The following TPR variants were observed in gnomAD, a reference collection of about 807,000 sequenced individuals.
TPR encodes the protein translocated promoter region, nuclear basket protein.
TPR carries 51 observed loss-of-function variants against 316.1 expected under a neutral mutation model. That is an observed-to-expected ratio of 0.16 (90% CI 0.13 to 0.20). TPR has a LOEUF of 0.20. TPR is among the 10% of genes least tolerant of loss of function. The pLI is 1.00. For synonymous variants in TPR, 981 were observed against 914.7 expected (o/e 1.07, Z -1.31); for missense variants, 2,272 against 2,754.8 (o/e 0.82, Z 3.92).
At chr1:186,348,456 A>G (rs1658749394) in intron 21 of TPR, among the ~76,000 whole-genome samples, 1 of 152,184 alleles carries the variant, frequency 6.6e-6, no homozygotes, top group South Asian at 2.1e-4. Flanking sequence ...AGGGCTGAAC[A>G]CAGACCCTTA....
chr1:186,344,273 C>T, intron 25 of TPR, 102 bp downstream of exon 25: 1 of 1,434,698 alleles, frequency 7.0e-7, no homozygotes, highest in Non-Finnish European at 9.5e-7. Flanking sequence ...TGCACTCCAG[C>T]ATGGGTGACA....
At chr1:186,341,579 A>G (rs1318886441) in intron 27 of TPR, 190 bp from the exon 28 acceptor site, 2 of 523,184 alleles carry the variant, frequency 3.8e-6, no homozygotes, top group African/African-American at 3.9e-5. Flanking sequence ...AAACAAATAC[A>G]AGAATTACAA....
At position 186,312,787 on chromosome 1, in the gene TPR, T is replaced by G. The variant is rs1379404627; in HGVS notation, c.*1184A>C. On this transcript the variant is annotated 3_prime_UTR_variant, in exon 51 of 51. Coordinates refer to ENST00000367478, the MANE Select transcript of TPR (RefSeq NM_003292.3). The stretch of plus-strand genomic sequence containing the variant: ...CTTACAGGTGTCCTTCATAATGAAG[T>G]TAAAGTGAGTATACTGTGGAGAGGA... 1 of 1,613,056 alleles carries G rather than the reference T, an allele frequency of 6.2e-7. No individual in the cohort carries two copies. The highest frequency in any genetic ancestry group is 1.3e-5 in the African/African-American group (1 of 75,012).
At chr1:186,324,324 G>A (rs1441873248) in intron 42 of TPR, among the ~76,000 whole-genome samples, 4 of 152,066 alleles carry the variant, frequency 2.6e-5, no homozygotes, top group Admixed American at 6.6e-5. Flanking sequence ...TTACCTAAAG[G>A]TTAGACCATT....
chr1:186,354,019 A>G (rs939289502), intron 17 of TPR, 169 bp from the exon 18 acceptor site: 24 of 560,950 alleles, frequency 4.3e-5, no homozygotes, highest in African/African-American at 3.8e-4. Flanking sequence ...CTGCTTAGAA[A>G]TAACTCCAGG....
chr1:186,316,665 C>G (rs1477013199), intron 49 of TPR, among the ~76,000 whole-genome samples: 1 of 152,160 alleles, frequency 6.6e-6, no homozygotes, highest in African/African-American at 2.4e-5. Context: ...GTCTCTGGAG[C>G]CAGACTTCTT....
intron 1 of TPR, among the ~76,000 whole-genome samples, chr1:186,374,645 T>C (rs1465534941): frequency 6.6e-6 from 1 of 152,208 alleles, no homozygotes; most frequent in Non-Finnish European, 1.5e-5. Context: ...AGCGTCCCTG[T>C]ATGAGCCTAC....
At chr1:186,336,796 A>G (rs1431216050) in intron 32 of TPR, 102 bp from the exon 33 acceptor site, 3 of 1,370,728 alleles carry the variant, frequency 2.2e-6, no homozygotes, top group Non-Finnish European at 2.0e-6. Flanking sequence ...GCTTTTTAAA[A>G]GATTAAATGG....
Position 186,335,559 on chromosome 1 carries a change from G to A in TPR, c.4706-16C>T, listed in dbSNP as rs1233151817. On this transcript the variant is annotated splice_polypyrimidine_tract_variant and intron_variant, in intron 33 of 50. Transcript: ENST00000367478. ...TCTTTTACACCTAAAGAAGTAACCA[G>A]GCGATTATATTAATATTATAATCAA... The A allele has an allele frequency of 1.9e-6, 3 of 1,553,012 alleles. No individual in the cohort carries two copies. Among genetic ancestry groups the A allele is most frequent in the Non-Finnish European group, 2.6e-6 (3 of 1,153,666 alleles).
At chr1:186,348,723 A>G (rs1367655596) in intron 21 of TPR, among the ~76,000 whole-genome samples, 1 of 152,108 alleles carries the variant, frequency 6.6e-6, no homozygotes, top group African/African-American at 2.4e-5. Flanking sequence ...GCCAGCCGAC[A>G]CTCATAGAAA....
rs1307255280 is a variant in TPR at position 186,315,239 on chromosome 1, AC to A, written c.6941-516del. ...AAACAAACAAACAAACAAAAAAAAA[AC>A]ACCAAAAAAAAACCAGAAGTGCTTG... On this transcript the variant is annotated intron_variant, in intron 49 of 50. Transcript: ENST00000367478. Among the ~76,000 whole-genome samples the A allele has an allele frequency of 8.6e-5, 13 of 151,760 alleles. 1 individual carries two copies. The highest frequency in any genetic ancestry group is 3.1e-4 in the African/African-American group (13 of 41,372).
At chr1:186,339,169 C>T (rs904808192) in intron 30 of TPR, among the ~76,000 whole-genome samples, 1 of 152,026 alleles carries the variant, frequency 6.6e-6, no homozygotes, top group Admixed American at 6.5e-5. Context: ...ATGGCTCATG[C>T]CTGTAATCCC....
At position 186,317,496 on chromosome 1, in the gene TPR, G is replaced by A. The variant is rs779300295; in HGVS notation, c.6926C>T (p.Ser2309Phe). 1 of 1,614,150 alleles carries A rather than the reference G, an allele frequency of 6.2e-7. No homozygotes were observed. The highest frequency in any genetic ancestry group is 8.5e-7 in the Non-Finnish European group (1 of 1,180,002). ...CAGGGACTCACCTACAGATGAGCTA[G>A]AAGGAGGATCCTGGCTGGTGGAGGG... The part of the protein sequence containing the change: ...DLPSTSQDPP[S>F]SSSVDTSSSQ... The change falls in exon 49 of 51, where the codon TCT (serine) becomes TTT (phenylalanine). Residue 2309 changes from serine (S) to phenylalanine (F), a missense_variant. Coordinates refer to ENST00000367478, the MANE Select transcript of TPR (RefSeq NM_003292.3).
chr1:186,331,331 T>C (rs146743472), intron 39 of TPR, among the ~76,000 whole-genome samples, 167 bp downstream of exon 39: 422 of 151,952 alleles, frequency 2.8e-3, no homozygotes, highest in African/African-American at 8.8e-3. Flanking sequence ...ACTATACTCA[T>C]AGGAGTAAAA....
In TPR at chr1:186,313,519, G is replaced by A. The variant is rs1657437836; in HGVS notation, c.*452C>T. The A allele has an allele frequency of 7.0e-6, 4 of 573,650 alleles. No homozygotes were observed. The highest frequency in any genetic ancestry group is 3.1e-5 in the Admixed American group (1 of 31,866). The allele number at this position is 573,650 out of a possible 1,614,324, so 35.5% of individuals were successfully genotyped here. On this transcript the variant is annotated 3_prime_UTR_variant, in exon 51 of 51. Coordinates refer to ENST00000367478, the MANE Select transcript of TPR (RefSeq NM_003292.3). ...AACATCAAAAAAGCTGAAAAGTCTA[G>A]GCAATTGTTTTTCTTTTTGTTATAA...
chr1:186,327,048 T>C lies in TPR; in HGVS notation c.5889+412A>G, dbSNP rs1354243209. 6.4e-4 allele frequency among the ~76,000 whole-genome samples: 17 copies of C among 26,550 alleles called. 3 individuals are homozygous for C. In the South Asian group the frequency reaches 0.014, roughly 22 times the overall value. 17.4% of individuals were successfully genotyped at this position (26,550 alleles called of 152,430 possible). A position where few individuals can be genotyped will look rare whatever the true frequency, so the allele number is the denominator to read the frequency against. ...TTATATATATAAATATATATAAATA[T>C]ATAACATATATATTATATATAAATA... On this transcript the variant is annotated intron_variant, in intron 40 of 50. Transcript: ENST00000367478.
At chr1:186,350,124 G>T in intron 21 of TPR, 99 bp downstream of exon 21, 3 of 1,118,652 alleles carry the variant, frequency 2.7e-6, no homozygotes, top group African/African-American at 1.6e-5. Flanking sequence ...CATTTTACTA[G>T]CATTCACAAA....
chr1:186,314,626 C>T lies in TPR; in HGVS notation c.7036+3G>A, dbSNP rs778166400. The stretch of plus-strand genomic sequence containing the variant: ...ATGTAATCCAGTTATGTCAGAAATT[C>T]ACCTCTCTGTCTGTTAAACTGACGA... On this transcript the variant is annotated splice_donor_region_variant and intron_variant, in intron 50 of 50. Transcript: ENST00000367478. The T allele has an allele frequency of 3.1e-6, 5 of 1,601,248 alleles. No individual in the cohort carries two copies. The highest frequency in any genetic ancestry group is 1.7e-5 in the Admixed American group (1 of 58,192).
intron 3 of TPR, among the ~76,000 whole-genome samples, chr1:186,369,234 G>T (rs796496853): frequency 8.5e-5 from 13 of 152,088 alleles, no homozygotes; most frequent in African/African-American, 3.1e-4. Flanking sequence ...TATTATTCAG[G>T]ATTTTTAAAA....
Sources: gnomAD v4.1 joint callset for allele counts (sites outside exome capture counted in the v4.1 genomes callset) on GRCh38, gnomAD v4.1.1 for gene constraint, MANE v1.5 for transcripts, NCBI Gene and HGNC (gene_info 2026-07-23, HGNC 2026-07-21) for gene names.